SMAD6: variants seen among roughly 807,000 people sequenced by gnomAD.
SMAD6 encodes the protein MAD homolog 6.
A neutral mutation model predicts 39.4 loss-of-function variants in SMAD6; 103 were observed. The observed-to-expected ratio is 2.62, with a 90% CI of 2.23 to 3.08. The LOEUF is 3.08. Among genes scored for constraint, SMAD6 ranks in the 30% most tolerant of loss-of-function variants. SMAD6 has a pLI of 0.00. For missense variants in SMAD6, 1,104 were observed against 742.9 expected, an observed-to-expected ratio of 1.49 and a Z score of -5.65; for synonymous variants, 445 against 353.3, an observed-to-expected ratio of 1.26 and a Z score of -2.91.
chr15:66,780,778 T>C (rs1473611375), intron 3 of SMAD6, among the ~76,000 whole-genome samples: 4 of 152,186 alleles, frequency 2.6e-5, no homozygotes, highest in Non-Finnish European at 5.9e-5. Context: ...CTCATAACCT[T>C]TGTTTTCTCC....
intron 3 of SMAD6, among the ~76,000 whole-genome samples, chr15:66,728,405 TTTTTTG>T (rs1339836677): frequency 6.7e-6 from 1 of 148,384 alleles, no homozygotes; most frequent in Admixed American, 6.7e-5. Context: ...CTTTTGTTTT[TTTTTTG>T]TTTTTTGTTT....
rs201636857 is a variant in SMAD6, at chr15:66,711,695, T to A, written c.845T>A (p.Leu282Gln). The change falls in exon 2 of 4, where the codon CTG (leucine) becomes CAG (glutamine). Residue 282 changes from leucine (L) to glutamine (Q), a missense_variant. Transcript: ENST00000288840. ...PESPPPPYSR[L>Q]SPRDEYKPLD... is the part of the protein sequence containing the mutation. ...TCTCCGCCACCTCCCTACTCTCGGC[T>A]GTCTCCTCGCGACGAGTACAAGCCA... 6.2e-7 allele frequency: 1 copy of A among 1,613,792 alleles called. No individual in the cohort carries two copies. The highest frequency in any genetic ancestry group is 1.3e-5 in the African/African-American group (1 of 74,780).
intron 3 of SMAD6, among the ~76,000 whole-genome samples, chr15:66,749,913 G>T (rs1893971813): frequency 6.6e-6 from 1 of 152,184 alleles, no homozygotes; most frequent in Admixed American, 6.5e-5. Flanking sequence ...CTGCAGATTG[G>T]ATTTGGCTCT....
At chr15:66,737,713 A>G (rs2140632599) in intron 3 of SMAD6, among the ~76,000 whole-genome samples, 1 of 152,146 alleles carries the variant, frequency 6.6e-6, no homozygotes, top group East Asian at 1.9e-4. Context: ...AAAAAGGAAA[A>G]AAAAAAAAGC....
At chr15:66,733,837 T>G (rs892633225) in intron 3 of SMAD6, among the ~76,000 whole-genome samples, 1 of 152,160 alleles carries the variant, frequency 6.6e-6, no homozygotes, top group Non-Finnish European at 1.5e-5. Context: ...AAAGACCTGG[T>G]GAGGTCCCAT....
At chr15:66,751,954 A>G (rs558181669) in intron 3 of SMAD6, among the ~76,000 whole-genome samples, 5 of 150,094 alleles carry the variant, frequency 3.3e-5, no homozygotes, top group East Asian at 3.9e-4. Flanking sequence ...CTTTCCTCCT[A>G]CTCCTTCCGT....
intron 3 of SMAD6, among the ~76,000 whole-genome samples, chr15:66,734,949 A>G (rs1181796276): frequency 3.3e-5 from 5 of 152,242 alleles, no homozygotes; most frequent in African/African-American, 1.2e-4. Flanking sequence ...ATGGCATGGT[A>G]GAGTGTGGAC....
In SMAD6 at chr15:66,704,060, C is replaced by G. The variant is rs780080560; in HGVS notation, c.802C>G (p.Arg268Gly). ...GTGCTGCAACCCCTACCACTTCAGC[C>G]GGCTCTGCGGGCCCGGTGAGCGCGC... ...TVCCNPYHFS[R>G]LCGPESPPPP... Residue 268 changes from arginine to glycine, a missense_variant, in exon 1 of 4, where the codon CGG becomes GGG. Transcript: ENST00000288840. 2 of 1,498,892 alleles carry G rather than the reference C, an allele frequency of 1.3e-6. No homozygotes were observed. The highest frequency in any genetic ancestry group is 1.4e-5 in the African/African-American group (1 of 69,046). The allele number at this position is 1,498,892 out of a possible 1,614,324, so 92.8% of individuals were successfully genotyped here.
At chr15:66,729,994 G>A (rs1379886594) in intron 3 of SMAD6, among the ~76,000 whole-genome samples, 1 of 152,188 alleles carries the variant, frequency 6.6e-6, no homozygotes, top group African/African-American at 2.4e-5. Context: ...CTCAAATTCA[G>A]GTCCATGGAA....
At chr15:66,757,352 T>C (rs1284831416) in intron 3 of SMAD6, among the ~76,000 whole-genome samples, 1 of 152,146 alleles carries the variant, frequency 6.6e-6, no homozygotes, top group Non-Finnish European at 1.5e-5. Flanking sequence ...TCCTTTCAGC[T>C]TGGGGATCCC....
chr15:66,750,990 G>T (rs1013693046), intron 3 of SMAD6, among the ~76,000 whole-genome samples: 1 of 152,162 alleles, frequency 6.6e-6, no homozygotes, highest in African/African-American at 2.4e-5. Flanking sequence ...GCCTCCACGT[G>T]CTAGGCCATG....
At chr15:66,745,094 C>T (rs919932153) in intron 3 of SMAD6, among the ~76,000 whole-genome samples, 5 of 152,128 alleles carry the variant, frequency 3.3e-5, no homozygotes, top group African/African-American at 1.2e-4. Context: ...CCTGCCCTCC[C>T]CAAAACCTCT....
At chr15:66,711,876 G>A in intron 2 of SMAD6, 152 bp downstream of exon 2, 1 of 657,336 alleles carries the variant, frequency 1.5e-6, no homozygotes, top group East Asian at 2.8e-5. Context: ...GGGTGAAGTT[G>A]TACAAACACT....
At chr15:66,718,570 G>A (rs914011330) in intron 3 of SMAD6, among the ~76,000 whole-genome samples, 7 of 152,242 alleles carry the variant, frequency 4.6e-5, no homozygotes, top group African/African-American at 1.7e-4. Flanking sequence ...TTTGGTGTGA[G>A]TTCTGGGTGG....
Position 66,703,275 on chromosome 15 carries a change from G to A in SMAD6, c.17G>A (p.Arg6His). Residue 6 changes from arginine to histidine, a missense_variant, in exon 1 of 4, where the codon CGC becomes CAC. Physicochemically the swap from Arg to His is conservative, Grantham distance 29 (BLOSUM62 0). Coordinates refer to ENST00000288840, the MANE Select transcript of SMAD6 (RefSeq NM_005585.5). MFRSK[R>H]SGLVRRLWRS... Reference sequence around the variant, plus strand: ...GGATATCGTATGTTCAGGTCCAAACGCTCGGGGCTGGTGCGGCGACTTTGG... The same window carrying A: ...GGATATCGTATGTTCAGGTCCAAACACTCGGGGCTGGTGCGGCGACTTTGG... 1 of 1,482,686 alleles carries A rather than the reference G, an allele frequency of 6.7e-7. No individual in the cohort carries two copies. The highest frequency in any genetic ancestry group is 9.0e-7 in the Non-Finnish European group (1 of 1,115,908). 91.8% of individuals were successfully genotyped at this position (1,482,686 alleles called of 1,614,324 possible). A position where few individuals can be genotyped will look rare whatever the true frequency, so the allele number is the denominator to read the frequency against.
At position 66,781,786 on chromosome 15, in the gene SMAD6, A is replaced by G; in HGVS notation, c.*251A>G. 1 of 399,282 alleles carries G rather than the reference A, an allele frequency of 2.5e-6. No homozygotes were observed. The allele number at this position is 399,282 out of a possible 1,614,324, so 24.7% of individuals were successfully genotyped here. On this transcript the variant is annotated 3_prime_UTR_variant, in exon 4 of 4. Transcript: ENST00000288840. The stretch of plus-strand genomic sequence containing the variant: ...TATATGGACAAAACAAGAAAGACGC[A>G]CTTTGGCTTATAATTCTTTCAATAC...
At chr15:66,729,692 G>A (rs767581635) in intron 3 of SMAD6, among the ~76,000 whole-genome samples, 13 of 152,162 alleles carry the variant, frequency 8.5e-5, no homozygotes, top group Non-Finnish European at 1.8e-4. Flanking sequence ...TCCCTGGCCC[G>A]CCCCCTCCCT....
chr15:66,723,239 G>A (rs561113233), intron 3 of SMAD6, among the ~76,000 whole-genome samples: 1 of 152,312 alleles, frequency 6.6e-6, no homozygotes, highest in African/African-American at 2.4e-5. Context: ...CTGCAGTGGG[G>A]ATATACTTGC....
Position 66,704,010 on chromosome 15 carries a change from C to T in SMAD6, c.752C>T (p.Ala251Val), listed in dbSNP as rs900629684. The T allele has an allele frequency of 1.3e-6, 2 of 1,493,366 alleles. No individual in the cohort carries two copies. Among genetic ancestry groups the T allele is most frequent in the East Asian group, 5.8e-5 (2 of 34,664 alleles). 92.5% of individuals were successfully genotyped at this position (1,493,366 alleles called of 1,614,324 possible). The change falls in exon 1 of 4, where the codon GCC becomes GTC. Residue 251 changes from alanine to valine, a missense_variant. Ala to Val is a moderately conservative substitution (Grantham distance 64, BLOSUM62 0). Coordinates refer to ENST00000288840, the MANE Select transcript of SMAD6 (RefSeq NM_005585.5). ...LKPLCGCHSFAAAADGPTVCC... is the reference protein window; with the variant it reads ...LKPLCGCHSFVAAADGPTVCC... ...CCCCTGTGCGGCTGCCACAGCTTCGCCGCCGCCGCCGACGGCCCTACCGTG... is the reference window on the plus strand; with the variant it reads ...CCCCTGTGCGGCTGCCACAGCTTCGTCGCCGCCGCCGACGGCCCTACCGTG...
Sources: allele counts gnomAD v4.1 joint callset (sites outside exome capture counted in the v4.1 genomes callset), GRCh38; gene constraint gnomAD v4.1.1; transcripts MANE v1.5; gene names NCBI Gene and HGNC (gene_info 2026-07-23, HGNC 2026-07-21).